The following CUX1 variants were observed in gnomAD, a reference collection of about 807,000 sequenced individuals.
CUX1 encodes protein CASP.
CUX1 carries 31 observed loss-of-function variants against 158.8 expected under a neutral mutation model. That is an observed-to-expected ratio of 0.20 (90% CI 0.15 to 0.26). The LOEUF (loss-of-function observed/expected upper bound fraction) is 0.26. Among genes scored for constraint, CUX1 ranks in the 10% least tolerant of loss-of-function variants. CUX1 has a pLI of 1.00. For synonymous variants in CUX1, 879 were observed against 862.1 expected (o/e 1.02, Z -0.34); for missense variants, 1,589 against 2,014.6 (o/e 0.79, Z 4.04).
intron 1 of CUX1, among the ~76,000 whole-genome samples, chr7:101,868,663 A>G (rs1353345977): frequency 1.3e-5 from 2 of 152,194 alleles, no homozygotes; most frequent in Admixed American, 1.3e-4. Context: ...TTACTGAAGC[A>G]GGAGTTGGTT....
At chr7:101,989,741 T>C (rs1814855529) in intron 2 of CUX1, among the ~76,000 whole-genome samples, 3 of 152,164 alleles carry the variant, frequency 2.0e-5, no homozygotes, top group Admixed American at 6.5e-5. Flanking sequence ...CACACACTTA[T>C]TTCCTGCTCC....
chr7:102,043,323 C>CTGTGTGTGTGTGTGTGTG (rs57276921), intron 3 of CUX1, among the ~76,000 whole-genome samples: 21 of 139,152 alleles, frequency 1.5e-4, no homozygotes, highest in African/African-American at 3.5e-4. Flanking sequence ...CATTAGCTCA[C>CTGTGTGTGTGTGTGTGTG]TGTGTGTGTG....
chr7:102,205,027 C>A, intron 19 of CUX1, 87 bp from the exon 20 acceptor site: 4 of 937,138 alleles, frequency 4.3e-6, no homozygotes, highest in Non-Finnish European at 5.1e-6. Context: ...GAATGGGAAG[C>A]CTCCCCGGGC....
At chr7:101,848,005 C>T (rs1433337724) in intron 1 of CUX1, among the ~76,000 whole-genome samples, 2 of 133,752 alleles carry the variant, frequency 1.5e-5, no homozygotes, top group Admixed American at 8.5e-5. Context: ...TTGCAGTGAG[C>T]CAAGATCACG....
At chr7:102,215,189 C>T (rs189985519) in intron 20 of CUX1, among the ~76,000 whole-genome samples, 1 of 149,202 alleles carries the variant, frequency 6.7e-6, no homozygotes, top group Non-Finnish European at 1.5e-5. Context: ...CAATGCTCCC[C>T]AGAAATAGCA....
At chr7:101,966,081 T>C (rs1299378107) in intron 2 of CUX1, among the ~76,000 whole-genome samples, 2 of 152,084 alleles carry the variant, frequency 1.3e-5, no homozygotes, top group African/African-American at 4.8e-5. Flanking sequence ...TTGTTTTGTT[T>C]TGGGACAGGG....
intron 6 of CUX1, among the ~76,000 whole-genome samples, chr7:102,108,307 G>A (rs1346357559): frequency 6.6e-6 from 1 of 152,164 alleles, no homozygotes; most frequent in Non-Finnish European, 1.5e-5. Context: ...TTACCACAAT[G>A]TGGAAATAAA....
At chr7:102,047,414 G>A (rs13233408) in intron 3 of CUX1, among the ~76,000 whole-genome samples, 1 of 150,824 alleles carries the variant, frequency 6.6e-6, no homozygotes, top group Non-Finnish European at 1.5e-5. Flanking sequence ...ATTGGATAGA[G>A]GGATGGATGG....
chr7:101,895,902 G>GTTTTTTTTTTTTTTTT (rs1193952295), intron 1 of CUX1, among the ~76,000 whole-genome samples: 1 of 40,464 alleles, frequency 2.5e-5, no homozygotes, highest in African/African-American at 1.3e-4. Flanking sequence ...TTTTTTTTTT[G>GTTTTTTTTTTTTTTTT]TTTTTGTTTT....
At chr7:101,872,029 A>AAG (rs1209880466) in intron 1 of CUX1, among the ~76,000 whole-genome samples, 3 of 152,118 alleles carry the variant, frequency 2.0e-5, no homozygotes, top group Admixed American at 6.6e-5. Context: ...CCAAAAAAAA[A>AAG]AAAAGAAAAG....
At chr7:101,885,709 G>A (rs1584880404) in intron 1 of CUX1, among the ~76,000 whole-genome samples, 4 of 152,306 alleles carry the variant, frequency 2.6e-5, no homozygotes, top group Admixed American at 2.6e-4. Context: ...GGCCTCGGAC[G>A]ACTTCCTCTT....
chr7:102,100,874 TTGA>T (rs1829698486), intron 5 of CUX1, among the ~76,000 whole-genome samples: 1 of 152,128 alleles, frequency 6.6e-6, no homozygotes, highest in African/African-American at 2.4e-5. Context: ...GTCTGGGTAA[TTGA>T]TGAAGAAAAG....
chr7:101,887,842 CATT>C (rs1455839642), intron 1 of CUX1, among the ~76,000 whole-genome samples: 55 of 135,034 alleles, frequency 4.1e-4, no homozygotes, highest in African/African-American at 1.3e-3. Flanking sequence ...ATGACGGTGA[CATT>C]TTTTTTTTTT....
At chr7:101,977,861 T>A (rs1321089311) in intron 2 of CUX1, among the ~76,000 whole-genome samples, 2 of 152,100 alleles carry the variant, frequency 1.3e-5, no homozygotes, top group Non-Finnish European at 2.9e-5. Flanking sequence ...TTTTTAAGCA[T>A]GGTTATATAT....
Position 101,916,816 on chromosome 7 carries a change from A to G in CUX1, c.141+591A>G, listed in dbSNP as rs1229953519. Among the ~76,000 whole-genome samples, 4 of 151,964 alleles carry G rather than the reference A, an allele frequency of 2.6e-5. No homozygotes were observed. Among genetic ancestry groups the G allele is most frequent in the African/African-American group, 9.7e-5 (4 of 41,384 alleles). On this transcript the variant is annotated intron_variant, in intron 2 of 23. Coordinates refer to ENST00000292535, the MANE Select transcript of CUX1 (RefSeq NM_181552.4). The surrounding 1 kb of genome is among the most constrained non-coding windows in gnomAD (Gnocchi z 4.4). The stretch of plus-strand genomic sequence containing the variant: ...CTGTTTTTTCTCTCGTGAGTGTGCA[A>G]TCGGGGGACAGTGTTGAGTTGCTGG...
At chr7:102,182,657 T>C (rs1323898362) in intron 11 of CUX1, among the ~76,000 whole-genome samples, 1 of 152,200 alleles carries the variant, frequency 6.6e-6, no homozygotes, top group Non-Finnish European at 1.5e-5. Context: ...TTAAGCATAG[T>C]GCCACTTGTA....
intron 2 of CUX1, among the ~76,000 whole-genome samples, chr7:101,917,020 G>A (rs1205205926): frequency 1.3e-5 from 2 of 152,110 alleles, no homozygotes; most frequent in Admixed American, 1.3e-4. Flanking sequence ...CCGCGGGCTC[G>A]GACCCCAGCC....
chr7:102,168,973 C>T (rs183249745), intron 9 of CUX1, among the ~76,000 whole-genome samples: 45 of 130,820 alleles, frequency 3.4e-4, no homozygotes, highest in African/African-American at 1.4e-3. Flanking sequence ...GCTCTTGTTG[C>T]CCAGGCTGGA....
chr7:102,209,149 GA>G (rs1256431529), intron 20 of CUX1, among the ~76,000 whole-genome samples: 3 of 152,196 alleles, frequency 2.0e-5, no homozygotes, highest in African/African-American at 7.2e-5. Flanking sequence ...TTTCCTCACT[GA>G]GAGCTCCCGT....
Sources: gnomAD v4.1 joint callset for allele counts (sites outside exome capture counted in the v4.1 genomes callset) on GRCh38, gnomAD v4.1.1 for gene constraint, Gnocchi (gnomAD v3.1) non-coding constraint, MANE v1.5 for transcripts, NCBI Gene and HGNC (gene_info 2026-07-23, HGNC 2026-07-21) for gene names.